LRRTM3: variants seen among roughly 807,000 people sequenced by gnomAD.
LRRTM3 encodes leucine rich repeat transmembrane neuronal 3.
In LRRTM3, 24 loss-of-function variants were observed where a neutral mutation model predicts 44.7. That is an observed-to-expected ratio of 0.54 (90% CI 0.39 to 0.76). LRRTM3 has a LOEUF of 0.76. LRRTM3 is among the 30% of genes least tolerant of loss of function. The pLI is 0.00. For synonymous variants in LRRTM3, 277 were observed against 278.7 expected (o/e 0.99, Z 0.06); for missense variants, 587 against 702.2 (o/e 0.84, Z 1.85).
chr10:67,032,244 T>C (rs1853772724), intron 2 of LRRTM3, among the ~76,000 whole-genome samples: 1 of 152,160 alleles, frequency 6.6e-6, no homozygotes, highest in South Asian at 2.1e-4. Flanking sequence ...AGAACTGACA[T>C]TTTTTATATT....
Position 67,086,749 on chromosome 10 carries a change from G to C in LRRTM3, c.1537-10838G>C, listed in dbSNP as rs544147397. ...AGACCAAAATACCCTATCAGTCATA[G>C]ATATGGAGAGTTCTTTCCACCAGTT... On this transcript the variant is annotated intron_variant, in intron 2 of 2. Coordinates refer to ENST00000361320, the MANE Select transcript of LRRTM3 (RefSeq NM_178011.5). 1.1e-4 allele frequency among the ~76,000 whole-genome samples: 17 copies of C among 152,046 alleles called. No homozygotes were observed. In the South Asian group the frequency reaches 1.7e-3, roughly 15 times the overall value.
intron 2 of LRRTM3, among the ~76,000 whole-genome samples, chr10:67,060,702 G>A (rs1473552382): frequency 6.6e-6 from 1 of 152,118 alleles, no homozygotes; most frequent in Non-Finnish European, 1.5e-5. Context: ...CATGGCCAGT[G>A]AGGAGTCTAG....
rs112203913 is a variant in LRRTM3 at position 67,097,720 on chromosome 10, A to T, written c.1670A>T (p.His557Leu). 1 of 1,612,706 alleles carries T rather than the reference A, an allele frequency of 6.2e-7. No homozygotes were observed. Among genetic ancestry groups the T allele is most frequent in the Admixed American group, 1.7e-5 (1 of 59,854 alleles). ...TNAQEDTMET[H>L]LETELDLSTI... Reference sequence around the variant, plus strand: ...GCACAGGAAGATACGATGGAAACACACCTAGAGACTGAGCTGGACCTGAGC... The same window carrying T: ...GCACAGGAAGATACGATGGAAACACTCCTAGAGACTGAGCTGGACCTGAGC... Residue 557 changes from histidine (H) to leucine (L), a missense_variant, in exon 3 of 3, where the codon CAC becomes CTC. His to Leu is a moderately conservative substitution (Grantham distance 99, BLOSUM62 -3). Around this residue, in one of 3 missense-constraint regions of LRRTM3, gnomAD observed 315 missense variants for 335.6 expected, o/e 0.94. Transcript: ENST00000361320.
At chr10:66,928,545 C>A in intron 2 of LRRTM3, 93 bp downstream of exon 2, 1 of 1,190,926 alleles carries the variant, frequency 8.4e-7, no homozygotes, top group Non-Finnish European at 1.2e-6. Context: ...ACGCGATGCC[C>A]CCCCTCCCCT....
At chr10:66,989,523 T>A (rs1197896624) in intron 2 of LRRTM3, among the ~76,000 whole-genome samples, 1 of 152,152 alleles carries the variant, frequency 6.6e-6, no homozygotes, top group Non-Finnish European at 1.5e-5. Flanking sequence ...ATATGTTTGG[T>A]CATGTGGGAT....
chr10:67,097,926 A>T lies in LRRTM3; in HGVS notation c.*130A>T. The T allele has an allele frequency of 1.3e-6, 1 of 745,372 alleles. No individual in the cohort carries two copies. Among genetic ancestry groups the T allele is most frequent in the Non-Finnish European group, 2.2e-6 (1 of 458,134 alleles). 46.2% of individuals were successfully genotyped at this position (745,372 alleles called of 1,614,324 possible). ...AATCCCCTGTTCAAATAAACAAAAA[A>T]TCCAAGATTGATTCATGAAATAAAG... On this transcript the variant is annotated 3_prime_UTR_variant, in exon 3 of 3. Transcript: ENST00000361320.
chr10:66,989,210 T>C (rs1428227973), intron 2 of LRRTM3, among the ~76,000 whole-genome samples: 2 of 152,292 alleles, frequency 1.3e-5, no homozygotes, highest in Non-Finnish European at 2.9e-5. Flanking sequence ...CTTTCTCCAA[T>C]TGACTGTAGC....
intron 2 of LRRTM3, among the ~76,000 whole-genome samples, chr10:67,088,714 T>C (rs919618664): frequency 6.6e-5 from 10 of 152,096 alleles, no homozygotes; most frequent in African/African-American, 2.4e-4. Context: ...AATGAAGTTT[T>C]TGCACAAATA....
At chr10:67,017,040 C>A (rs1287421853) in intron 2 of LRRTM3, among the ~76,000 whole-genome samples, 1 of 152,020 alleles carries the variant, frequency 6.6e-6, no homozygotes, top group Non-Finnish European at 1.5e-5. Context: ...GGTGTCTGTA[C>A]AAAAATTAAT....
intron 2 of LRRTM3, among the ~76,000 whole-genome samples, chr10:66,955,955 GTCATGGAGTAGTGC>G (rs1444524346): frequency 1.3e-5 from 2 of 152,058 alleles, no homozygotes; most frequent in African/African-American, 4.8e-5. Context: ...AGTCATTCTG[GTCATGGAGTAGTGC>G]TCTGCCAGAA....
chr10:66,999,503 C>G (rs1480707218), intron 2 of LRRTM3, among the ~76,000 whole-genome samples: 1 of 150,200 alleles, frequency 6.7e-6, no homozygotes, highest in Non-Finnish European at 1.5e-5. Flanking sequence ...GCCATAAAAT[C>G]CATTCTTCTA....
intron 2 of LRRTM3, among the ~76,000 whole-genome samples, chr10:67,044,695 T>G (rs1457207131): frequency 1.3e-5 from 2 of 152,182 alleles, no homozygotes; most frequent in Non-Finnish European, 2.9e-5. Flanking sequence ...ACTTGCACCT[T>G]TTTTTAAAAG....
chr10:66,935,450 T>A (rs1847643256), intron 2 of LRRTM3, among the ~76,000 whole-genome samples: 2 of 152,038 alleles, frequency 1.3e-5, no homozygotes, highest in African/African-American at 4.8e-5. Flanking sequence ...CCTAATGTAT[T>A]CAAAATTTTA....
chr10:66,982,700 A>G (rs560584951), intron 2 of LRRTM3, among the ~76,000 whole-genome samples: 114 of 152,364 alleles, frequency 7.5e-4, no homozygotes, highest in African/African-American at 2.6e-3. Context: ...GTCAGATGGC[A>G]AAAGATAAGC....
At chr10:67,018,422 A>T (rs1463038353) in intron 2 of LRRTM3, among the ~76,000 whole-genome samples, 1 of 152,226 alleles carries the variant, frequency 6.6e-6, no homozygotes, top group Non-Finnish European at 1.5e-5. Context: ...CCAAAACCAC[A>T]TTTGTATTTT....
At chr10:67,085,681 T>C (rs2131892216) in intron 2 of LRRTM3, among the ~76,000 whole-genome samples, 1 of 152,164 alleles carries the variant, frequency 6.6e-6, no homozygotes, top group Middle Eastern at 3.4e-3. Context: ...TCATCCCTTA[T>C]TATGATATTT....
intron 2 of LRRTM3, among the ~76,000 whole-genome samples, chr10:66,963,608 C>A (rs1849240251): frequency 6.6e-6 from 1 of 152,106 alleles, no homozygotes; most frequent in African/African-American, 2.4e-5. Context: ...TGGGTTCACC[C>A]TAACCCTGAC....
chr10:67,058,403 C>A (rs1019803429), intron 2 of LRRTM3, among the ~76,000 whole-genome samples: 8 of 152,046 alleles, frequency 5.3e-5, no homozygotes, highest in Non-Finnish European at 1.5e-5. Context: ...TAAAGTCCAC[C>A]ACAGGTACAA....
At chr10:66,934,286 C>T (rs1381410390) in intron 2 of LRRTM3, among the ~76,000 whole-genome samples, 2 of 151,960 alleles carry the variant, frequency 1.3e-5, no homozygotes, top group African/African-American at 4.8e-5. Context: ...TTTTTAAGGG[C>T]TCTCACTTCT....
Sources: gnomAD v4.1 joint callset for allele counts (sites outside exome capture counted in the v4.1 genomes callset) on GRCh38, gnomAD v4.1.1 for gene constraint, gnomAD v4.1.1 regional missense constraint, MANE v1.5 for transcripts, NCBI Gene and HGNC (gene_info 2026-07-23, HGNC 2026-07-21) for gene names.